ARHGEF4: variants seen among roughly 807,000 people sequenced by gnomAD.
ARHGEF4 encodes Rho guanine nucleotide exchange factor 4, also known as APC-stimulated guanine nucleotide exchange factor 1.
A neutral mutation model predicts 162.0 loss-of-function variants in ARHGEF4; 119 were observed. The ratio of observed to expected loss-of-function variants is 0.73; its 90% CI spans 0.63 to 0.86. The LOEUF is 0.86. Ranked by LOEUF, ARHGEF4 falls within the 40% of genes least tolerant of loss-of-function variation. The pLI, the probability that ARHGEF4 is intolerant of heterozygous loss-of-function variation, is 0.00. For synonymous variants in ARHGEF4, 1,014 were observed against 979.9 expected, an observed-to-expected ratio of 1.03 and a Z score of -0.65; for missense variants, 2,488 against 2,456.0, an observed-to-expected ratio of 1.01 and a Z score of -0.28.
intron 1 of ARHGEF4, among the ~76,000 whole-genome samples, chr2:130,903,247 C>CTTTTTTTTTTTTTTTT (rs59665239): frequency 7.0e-6 from 1 of 143,740 alleles, no homozygotes; most frequent in Admixed American, 7.0e-5. Flanking sequence ...TTTATCTTGA[C>CTTTTTTTTTTTTTTTT]TTTTTTTTTT....
intron 1 of ARHGEF4, among the ~76,000 whole-genome samples, chr2:130,843,850 C>T (rs547240970): frequency 6.6e-6 from 1 of 152,206 alleles, no homozygotes; most frequent in Admixed American, 6.5e-5. Flanking sequence ...CCCAGGGGGG[C>T]CCTGAATCCA....
rs552535736 is a variant in ARHGEF4, at chr2:130,934,717, A to G, written c.3858+3460A>G. 2.0e-5 allele frequency among the ~76,000 whole-genome samples: 3 copies of G among 152,008 alleles called. 1 individual carries two copies. Among genetic ancestry groups the G allele is most frequent in the Admixed American group, 6.5e-5 (1 of 15,268 alleles). On this transcript the variant is annotated intron_variant, in intron 3 of 13. Coordinates refer to ENST00000409359, the MANE Select transcript of ARHGEF4 (RefSeq NM_001367493.1). The stretch of plus-strand genomic sequence containing the variant: ...ACTGCCATGCATGGTTAATTTTTGT[A>G]TTTTTTGATAGAGACAGGGTTTCAC...
intron 5 of ARHGEF4, among the ~76,000 whole-genome samples, chr2:131,029,924 AG>A (rs1689731346): frequency 6.6e-6 from 1 of 152,186 alleles, no homozygotes; most frequent in Non-Finnish European, 1.5e-5. Flanking sequence ...GGGGACCCCG[AG>A]GGGGCCTGTC....
intron 1 of ARHGEF4, among the ~76,000 whole-genome samples, chr2:130,898,175 G>C (rs1283055067): frequency 6.6e-6 from 1 of 152,230 alleles, no homozygotes; most frequent in African/African-American, 2.4e-5. Flanking sequence ...CCAGGCTAGA[G>C]CCCTCTCTGG....
At chr2:130,940,249 G>A (rs552955335) in intron 3 of ARHGEF4, among the ~76,000 whole-genome samples, 1 of 152,186 alleles carries the variant, frequency 6.6e-6, no homozygotes, top group East Asian at 1.9e-4. Context: ...GAGAGGAGGA[G>A]GTGGGTAATT....
chr2:130,883,130 A>G (rs552414382), intron 1 of ARHGEF4, among the ~76,000 whole-genome samples: 79 of 152,170 alleles, frequency 5.2e-4, no homozygotes, highest in Non-Finnish European at 9.1e-4. Context: ...GCGAGATGCC[A>G]GAACCTCTGT....
intron 4 of ARHGEF4, among the ~76,000 whole-genome samples, chr2:130,953,952 G>A (rs1684113746): frequency 6.6e-6 from 1 of 152,228 alleles, no homozygotes; most frequent in African/African-American, 2.4e-5. Context: ...TACACTGTTG[G>A]TGGGAGTGTA....
chr2:131,043,440 G>C lies in ARHGEF4; in HGVS notation c.5026-12G>C. The stretch of plus-strand genomic sequence containing the variant: ...TATGCGAGGCTCATGGTTCTCCTTG[G>C]GATCTTCCCAGGGAGAAGATCTCTT... On this transcript the variant is annotated splice_polypyrimidine_tract_variant and intron_variant, in intron 10 of 13. Coordinates refer to ENST00000409359, the MANE Select transcript of ARHGEF4 (RefSeq NM_001367493.1). The C allele has an allele frequency of 1.9e-6, 3 of 1,613,618 alleles. No homozygotes were observed. Among genetic ancestry groups the C allele is most frequent in the Non-Finnish European group, 2.5e-6 (3 of 1,179,892 alleles).
chr2:130,842,802 A>G (rs1680696337), intron 1 of ARHGEF4, among the ~76,000 whole-genome samples: 1 of 152,056 alleles, frequency 6.6e-6, no homozygotes, highest in South Asian at 2.1e-4. Context: ...CAGTTTCTTT[A>G]CTAGTGAAGG....
intron 5 of ARHGEF4, among the ~76,000 whole-genome samples, chr2:131,037,471 G>A (rs1281794602): frequency 2.0e-5 from 3 of 152,208 alleles, no homozygotes; most frequent in Non-Finnish European, 4.4e-5. Flanking sequence ...TGAAGTGAAA[G>A]GAGGGCTCCT....
At chr2:130,891,185 A>G (rs1413501750) in intron 1 of ARHGEF4, among the ~76,000 whole-genome samples, 1 of 152,224 alleles carries the variant, frequency 6.6e-6, no homozygotes, top group African/African-American at 2.4e-5. Context: ...TGTCTCTGAT[A>G]CATCCCTGTG....
At chr2:130,988,468 CA>C (rs1327393787) in intron 4 of ARHGEF4, among the ~76,000 whole-genome samples, 1 of 152,110 alleles carries the variant, frequency 6.6e-6, no homozygotes, top group African/African-American at 2.4e-5. Context: ...TTATTATTAC[CA>C]AAGTAATGTA....
intron 1 of ARHGEF4, among the ~76,000 whole-genome samples, chr2:130,895,097 T>G (rs1680080352): frequency 6.6e-6 from 1 of 152,138 alleles, no homozygotes; most frequent in Admixed American, 6.6e-5. Flanking sequence ...CTGGTCAGTC[T>G]CCCTCCCTGC....
intron 1 of ARHGEF4, among the ~76,000 whole-genome samples, chr2:130,866,739 G>A (rs890240646): frequency 3.3e-5 from 5 of 152,190 alleles, no homozygotes; most frequent in Non-Finnish European, 7.4e-5. Flanking sequence ...TGGTCATGGT[G>A]TACAATTCTT....
intron 1 of ARHGEF4, among the ~76,000 whole-genome samples, chr2:130,895,161 C>A (rs1680084200): frequency 6.6e-6 from 1 of 152,170 alleles, no homozygotes; most frequent in African/African-American, 2.4e-5. Context: ...GGTTCTGGAG[C>A]CCTATGGAAA....
chr2:130,857,065 A>T (rs1036798715), intron 1 of ARHGEF4, among the ~76,000 whole-genome samples: 44 of 152,146 alleles, frequency 2.9e-4, no homozygotes, highest in African/African-American at 9.4e-4. Flanking sequence ...TACTAAAAAA[A>T]AATAATAATA....
At chr2:130,996,121 C>T (rs778364369) in intron 4 of ARHGEF4, among the ~76,000 whole-genome samples, 2 of 152,142 alleles carry the variant, frequency 1.3e-5, no homozygotes, top group African/African-American at 4.8e-5. Flanking sequence ...AACCCCTGAC[C>T]TCATGATCCA....
At chr2:130,902,345 G>A (rs1680530916) in intron 1 of ARHGEF4, among the ~76,000 whole-genome samples, 1 of 152,072 alleles carries the variant, frequency 6.6e-6, no homozygotes, top group Non-Finnish European at 1.5e-5. Flanking sequence ...CCAAAGCTGG[G>A]CACTTTGGGA....
intron 4 of ARHGEF4, among the ~76,000 whole-genome samples, chr2:131,010,161 T>C (rs1462281073): frequency 1.3e-5 from 2 of 152,220 alleles, no homozygotes; most frequent in Admixed American, 1.3e-4. Context: ...AGCTCTTTGT[T>C]CTGAGATTGT....
Sources: gnomAD v4.1 joint callset for allele counts (sites outside exome capture counted in the v4.1 genomes callset) on GRCh38, gnomAD v4.1.1 for gene constraint, MANE v1.5 for transcripts, NCBI Gene and HGNC (gene_info 2026-07-23, HGNC 2026-07-21) for gene names.